SLC35F1: variants seen among roughly 807,000 people sequenced by gnomAD.
SLC35F1 encodes chromosome 6 open reading frame 169.
In SLC35F1, 14 loss-of-function variants were observed where a neutral mutation model predicts 48.7. That is an observed-to-expected ratio of 0.29 (90% CI 0.19 to 0.45). The LOEUF (loss-of-function observed/expected upper bound fraction) is 0.45. SLC35F1 is among the 20% of genes least tolerant of loss of function. SLC35F1 has a pLI of 1.00. For missense variants in SLC35F1, 404 were observed against 500.0 expected, an observed-to-expected ratio of 0.81 and a Z score of 1.83; for synonymous variants, 190 against 202.2, an observed-to-expected ratio of 0.94 and a Z score of 0.51.
chr6:118,256,249 T>C (rs1341582895), intron 3 of SLC35F1, among the ~76,000 whole-genome samples: 2 of 126,552 alleles, frequency 1.6e-5, no homozygotes, highest in South Asian at 2.6e-4. Flanking sequence ...TGTGTGTGTG[T>C]GTGTGACTGA....
At chr6:118,242,693 G>C (rs1180218364) in intron 3 of SLC35F1, among the ~76,000 whole-genome samples, 2 of 152,172 alleles carry the variant, frequency 1.3e-5, no homozygotes, top group Non-Finnish European at 2.9e-5. Context: ...AATACTAGCT[G>C]TATGACTTCT....
At chr6:118,011,194 A>G (rs911129427) in intron 1 of SLC35F1, among the ~76,000 whole-genome samples, 1 of 152,168 alleles carries the variant, frequency 6.6e-6, no homozygotes, top group African/African-American at 2.4e-5. Flanking sequence ...CTTATAAGGA[A>G]TGCGTTATTA....
chr6:118,083,153 G>C (rs1772937242), intron 1 of SLC35F1, among the ~76,000 whole-genome samples: 1 of 152,150 alleles, frequency 6.6e-6, no homozygotes, highest in African/African-American at 2.4e-5. Context: ...CTGGATCAAG[G>C]AGAATAAGTT....
At position 117,987,318 on chromosome 6, in the gene SLC35F1, C is replaced by T. The variant is rs1196701834; in HGVS notation, c.173+79419C>T. ...CCCTTCTTTTTTTTTTCTTCCTTCT[C>T]CTCTTGTTCTTTTTCTTCCTCCTCC... On this transcript the variant is annotated intron_variant, in intron 1 of 7. Coordinates refer to ENST00000360388, the MANE Select transcript of SLC35F1 (RefSeq NM_001029858.4). Among the ~76,000 whole-genome samples the T allele has an allele frequency of 2.6e-5, 4 of 151,012 alleles. No homozygotes were observed. The South Asian group carries it at 8.4e-4, about 32-fold the overall frequency.
At chr6:117,931,062 G>A (rs745677879) in intron 1 of SLC35F1, among the ~76,000 whole-genome samples, 8 of 152,044 alleles carry the variant, frequency 5.3e-5, no homozygotes, top group Non-Finnish European at 1.2e-4. Context: ...TATATTGTAA[G>A]CACCTGGCCC....
chr6:118,200,159 TATACATAC>T (rs71012386), intron 2 of SLC35F1, among the ~76,000 whole-genome samples: 2,205 of 147,252 alleles, frequency 0.015, 34 homozygotes, highest in Admixed American at 0.03. Flanking sequence ...TACATACATA[TATACATAC>T]ATACATACAT....
chr6:118,172,063 T>G (rs17335828), intron 2 of SLC35F1, among the ~76,000 whole-genome samples: 1,744 of 152,264 alleles, frequency 0.011, 39 homozygotes, highest in African/African-American at 0.039. Context: ...AAACACAGCT[T>G]GTGATCACAT....
chr6:118,263,987 C>T (rs1248391325), intron 3 of SLC35F1, among the ~76,000 whole-genome samples: 1 of 152,174 alleles, frequency 6.6e-6, no homozygotes, highest in African/African-American at 2.4e-5. Flanking sequence ...AAAACATTGT[C>T]CAAAAAATTA....
intron 6 of SLC35F1, among the ~76,000 whole-genome samples, chr6:118,282,942 C>G (rs1306487135): frequency 1.3e-5 from 2 of 152,206 alleles, no homozygotes; most frequent in Non-Finnish European, 2.9e-5. Context: ...CTTCCAATCC[C>G]TTCTCCACAG....
rs541150424 is a variant in SLC35F1 at position 118,121,494 on chromosome 6, A to G, written c.174-32951A>G. On this transcript the variant is annotated intron_variant, in intron 1 of 7. Coordinates refer to ENST00000360388, the MANE Select transcript of SLC35F1 (RefSeq NM_001029858.4). Reference sequence around the variant, plus strand: ...AGTAAATTGCAGAGCAAAGATGTGAACCCAGTGCTATCTGGAAATATTCTT... The same window carrying G: ...AGTAAATTGCAGAGCAAAGATGTGAGCCCAGTGCTATCTGGAAATATTCTT... Among the ~76,000 whole-genome samples the G allele has an allele frequency of 2.6e-4, 39 of 152,294 alleles. 2 individuals are homozygous for G. The South Asian group carries it at 7.7e-3, about 30-fold the overall frequency.
At chr6:118,170,784 G>A (rs1424453975) in intron 2 of SLC35F1, among the ~76,000 whole-genome samples, 1 of 151,936 alleles carries the variant, frequency 6.6e-6, no homozygotes, top group Non-Finnish European at 1.5e-5. Flanking sequence ...ACCCAAGTAA[G>A]ACATGAATAT....
intron 1 of SLC35F1, among the ~76,000 whole-genome samples, chr6:117,908,441 T>A (rs1317708216): frequency 6.6e-6 from 1 of 152,188 alleles, no homozygotes; most frequent in African/African-American, 2.4e-5. Context: ...AGCCTGACGC[T>A]CCAGTCGCCT....
chr6:118,140,602 T>TG (rs1383712703), intron 1 of SLC35F1, among the ~76,000 whole-genome samples: 2 of 151,860 alleles, frequency 1.3e-5, no homozygotes, highest in Admixed American at 6.6e-5. Context: ...CCTTATATTT[T>TG]TTTTTTTGTA....
intron 7 of SLC35F1, among the ~76,000 whole-genome samples, chr6:118,291,968 A>T (rs1047481178): frequency 2.0e-5 from 3 of 151,950 alleles, no homozygotes; most frequent in Non-Finnish European, 4.4e-5. Context: ...AAATACAAAA[A>T]TTAGCTGGGC....
chr6:117,987,024 A>G (rs1776856460), intron 1 of SLC35F1, among the ~76,000 whole-genome samples: 1 of 152,182 alleles, frequency 6.6e-6, no homozygotes, highest in Non-Finnish European at 1.5e-5. Flanking sequence ...ATTCAGATAA[A>G]CTGCCAGGGT....
At chr6:118,300,740 T>A (rs1471393538) in intron 7 of SLC35F1, among the ~76,000 whole-genome samples, 1 of 152,210 alleles carries the variant, frequency 6.6e-6, no homozygotes, top group Non-Finnish European at 1.5e-5. Context: ...TCTTCACTCA[T>A]TAGATTGCTA....
At chr6:118,014,205 A>G (rs1045388907) in intron 1 of SLC35F1, among the ~76,000 whole-genome samples, 4 of 151,754 alleles carry the variant, frequency 2.6e-5, no homozygotes, top group Admixed American at 2.6e-4. Flanking sequence ...CGTATATAAA[A>G]CACCCAGCAC....
chr6:118,071,029 C>CGTGTGT (rs143774264), intron 1 of SLC35F1, among the ~76,000 whole-genome samples: 3 of 8,112 alleles, frequency 3.7e-4, no homozygotes, highest in African/African-American at 1.8e-3. Context: ...ATATATTCTA[C>CGTGTGT]GTGTATATAT....
chr6:118,294,948 C>G (rs1386532690), intron 7 of SLC35F1, among the ~76,000 whole-genome samples: 1 of 152,062 alleles, frequency 6.6e-6, no homozygotes, highest in Non-Finnish European at 1.5e-5. Flanking sequence ...TTCTGTGTGT[C>G]TTAGTCTCAT....
Sources: allele counts gnomAD v4.1 joint callset (sites outside exome capture counted in the v4.1 genomes callset), GRCh38; gene constraint gnomAD v4.1.1; transcripts MANE v1.5; gene names NCBI Gene and HGNC (gene_info 2026-07-23, HGNC 2026-07-21).